The following PLEKHA5 variants were observed in gnomAD, a reference collection of about 807,000 sequenced individuals.
PLEKHA5 encodes the protein pleckstrin homology domain-containing family A member 5.
Under a neutral mutation model 181.9 loss-of-function variants are expected in PLEKHA5, and 55 were observed. The observed-to-expected ratio is 0.30, with a 90% CI of 0.24 to 0.38. PLEKHA5 has a LOEUF of 0.38. Ranked by LOEUF, PLEKHA5 falls within the 10% of genes least tolerant of loss-of-function variation. PLEKHA5 has a pLI of 1.00. For missense variants in PLEKHA5, 1,432 were observed against 1,549.5 expected (o/e 0.92, Z 1.27); for synonymous variants, 535 against 529.4 (o/e 1.01, Z -0.15).
intron 11 of PLEKHA5, among the ~76,000 whole-genome samples, chr12:19,280,947 G>T (rs1353251635): frequency 6.6e-6 from 1 of 152,090 alleles, no homozygotes; most frequent in Non-Finnish European, 1.5e-5. Flanking sequence ...CTGGCCTCAA[G>T]CGATCTGCCT....
chr12:19,310,770 G>A (rs760600719), intron 15 of PLEKHA5, among the ~76,000 whole-genome samples: 10 of 152,142 alleles, frequency 6.6e-5, no homozygotes, highest in Non-Finnish European at 1.3e-4. Context: ...TTAGCTGGGC[G>A]TGGTTTTTTG....
intron 3 of PLEKHA5, among the ~76,000 whole-genome samples, chr12:19,248,220 T>C (rs908470460): frequency 5.9e-4 from 90 of 152,102 alleles, no homozygotes; most frequent in African/African-American, 2.1e-3. Context: ...GTTTAATCTT[T>C]AATGCCATAG....
chr12:19,240,514 C>T (rs1305244752), intron 3 of PLEKHA5, among the ~76,000 whole-genome samples: 2 of 149,994 alleles, frequency 1.3e-5, no homozygotes, highest in Non-Finnish European at 3.0e-5. Context: ...CATCATAGCT[C>T]ACTGCAGCCT....
At chr12:19,276,127 G>A (rs376541643) in intron 11 of PLEKHA5, among the ~76,000 whole-genome samples, 3 of 152,158 alleles carry the variant, frequency 2.0e-5, no homozygotes, top group Non-Finnish European at 2.9e-5. Context: ...TATGCAAAGC[G>A]CCAGGCTTGG....
chr12:19,247,755 TA>T lies in PLEKHA5; in HGVS notation c.228-6173del, dbSNP rs1187794806. Among the ~76,000 whole-genome samples the T allele has an allele frequency of 6.4e-3, 918 of 143,878 alleles. 8 individuals are homozygous for T. The highest frequency in any genetic ancestry group is 4.4e-3 in the Non-Finnish European group (290 of 65,434). 94.4% of individuals were successfully genotyped at this position (143,878 alleles called of 152,430 possible). On this transcript the variant is annotated intron_variant, in intron 3 of 31. Coordinates refer to ENST00000429027, the MANE Select transcript of PLEKHA5 (RefSeq NM_001256470.2). ...AATTCCTTGGTATCTTTTCTTTTTT[TA>T]AAAAAAAAAAAGGTAGGGGGTGAGG...
At chr12:19,338,959 A>AG (rs1367628996) in intron 21 of PLEKHA5, among the ~76,000 whole-genome samples, 1 of 152,076 alleles carries the variant, frequency 6.6e-6, no homozygotes, top group African/African-American at 2.4e-5. Context: ...TAAATACCTA[A>AG]GATATTACTA....
intron 3 of PLEKHA5, among the ~76,000 whole-genome samples, chr12:19,164,197 G>GTTTT (rs59712166): frequency 2.2e-5 from 2 of 92,820 alleles, no homozygotes; most frequent in African/African-American, 3.7e-5. Context: ...AGATGTTTTT[G>GTTTT]TTTTTTTTTT....
At chr12:19,222,191 C>T (rs2059051256) in intron 3 of PLEKHA5, among the ~76,000 whole-genome samples, 1 of 151,868 alleles carries the variant, frequency 6.6e-6, no homozygotes, top group African/African-American at 2.4e-5. Context: ...ACACACGCAC[C>T]CACAGTCCAG....
At chr12:19,291,777 C>A in intron 15 of PLEKHA5, 80 bp downstream of exon 15, 1 of 698,028 alleles carries the variant, frequency 1.4e-6, no homozygotes, top group Non-Finnish European at 2.3e-6. Context: ...GGCTTCTCAG[C>A]TATTTCAGTC....
At chr12:19,307,112 C>A (rs2084170958) in intron 15 of PLEKHA5, 1 of 954,228 alleles carries the variant, frequency 1.0e-6, no homozygotes, top group African/African-American at 1.6e-5. Context: ...ACTGTTGGTC[C>A]CAAGTTGAAG....
intron 29 of PLEKHA5, among the ~76,000 whole-genome samples, chr12:19,365,303 T>C (rs2095391967): frequency 6.6e-6 from 1 of 151,374 alleles, no homozygotes. Flanking sequence ...GGAGGTGAGC[T>C]TGCAGTGAGC....
intron 25 of PLEKHA5, among the ~76,000 whole-genome samples, chr12:19,350,955 CTTTTTTTTTTTTT>C (rs35006570): frequency 4.9e-4 from 55 of 112,544 alleles, no homozygotes; most frequent in African/African-American, 1.8e-3. Context: ...TATTCAAAGT[CTTTTTTTTTTTTT>C]TTTTTTTTGA....
chr12:19,158,087 T>A (rs2042166375), intron 3 of PLEKHA5, among the ~76,000 whole-genome samples: 1 of 152,146 alleles, frequency 6.6e-6, no homozygotes, highest in Admixed American at 6.5e-5. Context: ...ACAGGATTAC[T>A]CATGCCTGTA....
chr12:19,138,693 G>T (rs960132403), intron 3 of PLEKHA5, among the ~76,000 whole-genome samples: 2 of 151,988 alleles, frequency 1.3e-5, no homozygotes, highest in African/African-American at 4.8e-5. Flanking sequence ...AGGCCTGAGG[G>T]TATAGATGGG....
At chr12:19,147,861 C>A (rs373404339) in intron 3 of PLEKHA5, among the ~76,000 whole-genome samples, 1 of 151,396 alleles carries the variant, frequency 6.6e-6, no homozygotes, top group African/African-American at 2.4e-5. Flanking sequence ...CTCAGCCTCC[C>A]GAGTAGCTGG....
At chr12:19,184,815 GT>G (rs1285322998) in intron 3 of PLEKHA5, among the ~76,000 whole-genome samples, 3 of 152,150 alleles carry the variant, frequency 2.0e-5, no homozygotes, top group African/African-American at 4.8e-5. Flanking sequence ...TTGAATAGAA[GT>G]GATAAGATAG....
At chr12:19,185,308 T>G (rs1359793604) in intron 3 of PLEKHA5, among the ~76,000 whole-genome samples, 1 of 152,168 alleles carries the variant, frequency 6.6e-6, no homozygotes, top group African/African-American at 2.4e-5. Flanking sequence ...CCATACCTCC[T>G]GATCCTGTCA....
intron 3 of PLEKHA5, among the ~76,000 whole-genome samples, chr12:19,191,365 G>GAC (rs2051078914): frequency 6.6e-6 from 1 of 152,138 alleles, no homozygotes. Flanking sequence ...TTAATACCCT[G>GAC]ACACACAGCT....
intron 20 of PLEKHA5, among the ~76,000 whole-genome samples, chr12:19,330,099 C>T (rs1592514635): frequency 3.3e-5 from 5 of 152,178 alleles, no homozygotes; most frequent in South Asian, 2.1e-4. Context: ...AGAAGTGTGG[C>T]GCAGTAATAG....
Sources: gnomAD v4.1 joint callset for allele counts (sites outside exome capture counted in the v4.1 genomes callset) on GRCh38, gnomAD v4.1.1 for gene constraint, MANE v1.5 for transcripts, NCBI Gene and HGNC (gene_info 2026-07-23, HGNC 2026-07-21) for gene names.